Variants in COL13A1 observed in about 807,000 individuals in gnomAD.
The protein encoded by COL13A1 is collagen type XIII alpha 1 chain.
COL13A1 carries 89 observed loss-of-function variants against 130.9 expected under a neutral mutation model. That is an observed-to-expected ratio of 0.68 (90% confidence interval 0.57 to 0.81). COL13A1 has a LOEUF of 0.81. Among genes scored for constraint, COL13A1 ranks in the 30% least tolerant of loss-of-function variants. The probability of loss-of-function intolerance (pLI) is 0.00; values close to 1 mark genes in which losing one functional copy is unlikely to be tolerated. For synonymous variants in COL13A1, 402 were observed against 341.6 expected (o/e 1.18, Z -1.95); for missense variants, 879 against 934.6 (o/e 0.94, Z 0.78).
At chr10:69,818,829 G>A (rs530858328) in intron 1 of COL13A1, among the ~76,000 whole-genome samples, 9 of 152,366 alleles carry the variant, frequency 5.9e-5, no homozygotes, top group Admixed American at 5.9e-4. Context: ...CCCCTATGGT[G>A]AGGACACTGT....
At chr10:69,950,463 G>C (rs1430401856) in intron 38 of COL13A1, among the ~76,000 whole-genome samples, 1 of 152,076 alleles carries the variant, frequency 6.6e-6, no homozygotes, top group African/African-American at 2.4e-5. Context: ...TGTTACCCCC[G>C]GGGTATCCTG....
chr10:69,939,455 T>C (rs777519335), intron 34 of COL13A1, among the ~76,000 whole-genome samples: 1 of 152,274 alleles, frequency 6.6e-6, no homozygotes, highest in Admixed American at 6.5e-5. Context: ...AATTTGTGCT[T>C]TCTGCTCCAG....
chr10:69,805,077 TC>T (rs1200029870), intron 1 of COL13A1, among the ~76,000 whole-genome samples: 1 of 151,936 alleles, frequency 6.6e-6, no homozygotes, highest in Non-Finnish European at 1.5e-5. Flanking sequence ...CTGGGGGAAG[TC>T]CAGGACCCCG....
At position 69,937,808 on chromosome 10, in the gene COL13A1, AGAGTCT is replaced by A; in HGVS notation, c.1878+97_1878+102del. Reference sequence around the variant, plus strand: ...ACAGCCAGCGGAAAGCTAAGGTTCTAGAGTCTGAGCATCCAGAGTTCCATGTGGTTT... The same window carrying A: ...ACAGCCAGCGGAAAGCTAAGGTTCTAGAGCATCCAGAGTTCCATGTGGTTT... On this transcript the variant is annotated intron_variant, in intron 34 of 40. Transcript: ENST00000645393. 4.4e-6 allele frequency: 3 copies of A among 680,528 alleles called. No individual in the cohort carries two copies. In the South Asian group the frequency reaches 5.2e-5, roughly 12 times the overall value. The allele number at this position is 680,528 out of a possible 1,614,324, so 42.2% of individuals were successfully genotyped here. A position where few individuals can be genotyped will look rare whatever the true frequency, so the allele number is the denominator to read the frequency against.
chr10:69,819,053 TG>T (rs761409388), intron 1 of COL13A1, among the ~76,000 whole-genome samples: 5 of 152,230 alleles, frequency 3.3e-5, no homozygotes, highest in Non-Finnish European at 7.4e-5. Flanking sequence ...TGTTTGCTGA[TG>T]GACTGTGACT....
rs74920697 is a variant in COL13A1 at position 69,859,304 on chromosome 10, T to C, written c.365-8494T>C. Among the ~76,000 whole-genome samples, 82 of 152,348 alleles carry C rather than the reference T, an allele frequency of 5.4e-4. 1 individual carries two copies. In the East Asian group the frequency reaches 0.013, roughly 24 times the overall value. ...TACTTTTGTACCAACATAATAAATG[T>C]GACTTTAAAATCAAAAAGCTCATCA... On this transcript the variant is annotated intron_variant, in intron 2 of 40. Transcript: ENST00000645393.
intron 2 of COL13A1, among the ~76,000 whole-genome samples, chr10:69,836,658 G>C (rs1408777103): frequency 3.3e-5 from 5 of 152,328 alleles, no homozygotes; most frequent in Middle Eastern, 6.8e-3. Flanking sequence ...AATGTCTCCA[G>C]TAGGCAAGGT....
chr10:69,810,368 G>GAC (rs1326867355), intron 1 of COL13A1, among the ~76,000 whole-genome samples: 1 of 113,582 alleles, frequency 8.8e-6, no homozygotes, highest in South Asian at 2.6e-4. Flanking sequence ...GAGAGAGAGA[G>GAC]AGAGAGAGAG....
intron 7 of COL13A1, among the ~76,000 whole-genome samples, chr10:69,882,145 G>C (rs775444362): frequency 1.4e-4 from 21 of 152,212 alleles, no homozygotes; most frequent in Non-Finnish European, 2.4e-4. Context: ...CAGGCTCCCA[G>C]GTTCTAACAT....
intron 18 of COL13A1, among the ~76,000 whole-genome samples, chr10:69,917,963 C>T (rs1257268127): frequency 6.6e-6 from 1 of 152,100 alleles, no homozygotes; most frequent in Non-Finnish European, 1.5e-5. Flanking sequence ...CCCCCTTCCA[C>T]CCCAGGGACC....
intron 9 of COL13A1, 62 bp downstream of exon 9, chr10:69,888,392 T>C: frequency 6.3e-7 from 1 of 1,576,094 alleles, no homozygotes; most frequent in Non-Finnish European, 8.7e-7. Flanking sequence ...TTGGTCATTC[T>C]GCAAGATATT....
At chr10:69,936,616 C>A in intron 32 of COL13A1, 140 bp from the exon 33 acceptor site, 1 of 877,730 alleles carries the variant, frequency 1.1e-6, no homozygotes, top group Non-Finnish European at 1.8e-6. Context: ...CTTAGCATTT[C>A]TTTCTACCTC....
At chr10:69,945,805 G>A in intron 37 of COL13A1, 81 bp downstream of exon 37, 5 of 1,528,050 alleles carry the variant, frequency 3.3e-6, no homozygotes, top group African/African-American at 1.4e-5. Flanking sequence ...GGGCATGGTG[G>A]CTCACACCTG....
At chr10:69,931,610 C>T (rs1589606502) in intron 30 of COL13A1, among the ~76,000 whole-genome samples, 2 of 152,288 alleles carry the variant, frequency 1.3e-5, no homozygotes, top group Admixed American at 6.5e-5. Flanking sequence ...CTCACTCAAC[C>T]GGCACAGGCA....
At chr10:69,908,970 C>T (rs1194616158) in intron 17 of COL13A1, among the ~76,000 whole-genome samples, 1 of 152,114 alleles carries the variant, frequency 6.6e-6, no homozygotes, top group African/African-American at 2.4e-5. Flanking sequence ...GTTCTGGTCA[C>T]CAGAGGTGTT....
chr10:69,913,322 C>T (rs1416341584), intron 17 of COL13A1, among the ~76,000 whole-genome samples: 1 of 152,172 alleles, frequency 6.6e-6, no homozygotes, highest in Admixed American at 6.5e-5. Context: ...TGAGTCCCTT[C>T]TGGGGAGACA....
chr10:69,889,111 G>A (rs1009275166), intron 9 of COL13A1, among the ~76,000 whole-genome samples: 4 of 152,226 alleles, frequency 2.6e-5, no homozygotes, highest in East Asian at 1.9e-4. Flanking sequence ...GGCATCCCCC[G>A]AAGCTACCCT....
intron 7 of COL13A1, among the ~76,000 whole-genome samples, chr10:69,882,170 G>GT (rs1483676305): frequency 2.0e-5 from 3 of 152,188 alleles, no homozygotes; most frequent in African/African-American, 7.2e-5. Context: ...GACTGAGCCC[G>GT]GTGTGTTAGG....
At chr10:69,842,616 T>C (rs1851901346) in intron 2 of COL13A1, among the ~76,000 whole-genome samples, 2 of 152,230 alleles carry the variant, frequency 1.3e-5, no homozygotes, top group African/African-American at 4.8e-5. Flanking sequence ...GCTTCAGTGC[T>C]AGCTTTCCTG....
Sources: allele counts gnomAD v4.1 joint callset (sites outside exome capture counted in the v4.1 genomes callset), GRCh38; gene constraint gnomAD v4.1.1; transcripts MANE v1.5; gene names NCBI Gene and HGNC (gene_info 2026-07-23, HGNC 2026-07-21).